The following TMTC2 variants were observed in gnomAD, a reference collection of about 807,000 sequenced individuals.
The protein encoded by TMTC2 is transmembrane O-mannosyltransferase targeting cadherins 2.
In TMTC2, 43 loss-of-function variants were observed where a neutral mutation model predicts 82.4. The observed-to-expected ratio is 0.52, with a 90% confidence interval of 0.41 to 0.67. TMTC2 has a LOEUF of 0.67. Ranked by LOEUF, TMTC2 falls within the 30% of genes least tolerant of loss-of-function variation. The pLI is 0.00. For synonymous variants in TMTC2, 408 were observed against 381.9 expected (o/e 1.07, Z -0.80); for missense variants, 919 against 1,012.4 (o/e 0.91, Z 1.25).
intron 1 of TMTC2, among the ~76,000 whole-genome samples, chr12:82,726,993 G>A (rs573617498): frequency 6.7e-6 from 1 of 148,212 alleles, no homozygotes; most frequent in South Asian, 2.1e-4. Context: ...CCTTAGAAAA[G>A]CCCCTTTTCT....
intron 11 of TMTC2, among the ~76,000 whole-genome samples, chr12:83,129,155 A>G (rs1592513336): frequency 6.6e-6 from 1 of 152,194 alleles, no homozygotes; most frequent in Non-Finnish European, 1.5e-5. Flanking sequence ...ATTTACACCA[A>G]AATGTTATAA....
At chr12:82,861,951 T>C (rs1402317711) in intron 2 of TMTC2, among the ~76,000 whole-genome samples, 3 of 152,342 alleles carry the variant, frequency 2.0e-5, no homozygotes, top group South Asian at 2.1e-4. Flanking sequence ...TTTTAAAATA[T>C]GTGGCTGAAA....
chr12:83,065,560 A>G (rs988285245), intron 11 of TMTC2, among the ~76,000 whole-genome samples: 2 of 151,956 alleles, frequency 1.3e-5, no homozygotes, highest in Admixed American at 1.3e-4. Context: ...ATTAAACCTT[A>G]TAATACATTA....
chr12:83,007,462 G>A (rs1478577024), intron 8 of TMTC2, among the ~76,000 whole-genome samples: 4 of 151,850 alleles, frequency 2.6e-5, no homozygotes, highest in East Asian at 3.9e-4. Flanking sequence ...TTTCATGGTG[G>A]TTGCCCTGGA....
At chr12:82,876,144 G>A (rs1047157472) in intron 2 of TMTC2, among the ~76,000 whole-genome samples, 5 of 146,318 alleles carry the variant, frequency 3.4e-5, no homozygotes, top group Admixed American at 3.4e-4. Flanking sequence ...TGGTGGTGGT[G>A]GTGGTGGTGG....
At chr12:82,815,251 C>T (rs1188173866) in intron 1 of TMTC2, among the ~76,000 whole-genome samples, 1 of 150,960 alleles carries the variant, frequency 6.6e-6, no homozygotes, top group Non-Finnish European at 1.5e-5. Flanking sequence ...ACTGCAAGCT[C>T]CGCCTCCCGA....
intron 7 of TMTC2, among the ~76,000 whole-genome samples, chr12:82,978,323 G>A (rs1333718419): frequency 2.6e-5 from 4 of 151,692 alleles, no homozygotes; most frequent in Non-Finnish European, 1.5e-5. Context: ...TGGAGATTAT[G>A]GAGTTATTTA....
At chr12:82,881,948 C>T (rs1475976335) in intron 2 of TMTC2, among the ~76,000 whole-genome samples, 2 of 151,646 alleles carry the variant, frequency 1.3e-5, no homozygotes, top group Non-Finnish European at 2.9e-5. Flanking sequence ...ATATTTTTCA[C>T]CTTTTCCCAC....
chr12:83,051,490 C>G (rs144199629), intron 10 of TMTC2, among the ~76,000 whole-genome samples: 44 of 152,124 alleles, frequency 2.9e-4, no homozygotes, highest in Middle Eastern at 3.4e-3. Flanking sequence ...TCCCTTCCCT[C>G]TAAAAACTAC....
At chr12:82,957,053 C>T (rs745860029) in intron 4 of TMTC2, among the ~76,000 whole-genome samples, 5 of 152,104 alleles carry the variant, frequency 3.3e-5, no homozygotes, top group African/African-American at 4.8e-5. Context: ...CTATAGAATA[C>T]GCTACCAATA....
chr12:83,033,553 C>T (rs1881528392), intron 9 of TMTC2, among the ~76,000 whole-genome samples: 2 of 152,060 alleles, frequency 1.3e-5, no homozygotes, highest in Admixed American at 1.3e-4. Flanking sequence ...GAGTTTGAGA[C>T]CAGCCTGACC....
chr12:82,725,646 G>A (rs1592876465), intron 1 of TMTC2, among the ~76,000 whole-genome samples: 1 of 152,256 alleles, frequency 6.6e-6, no homozygotes, highest in East Asian at 1.9e-4. Context: ...TGGTTGGGGT[G>A]CAGCTTGGTT....
At chr12:82,911,709 C>G (rs1319018525) in intron 3 of TMTC2, among the ~76,000 whole-genome samples, 2 of 152,084 alleles carry the variant, frequency 1.3e-5, no homozygotes, top group East Asian at 1.9e-4. Flanking sequence ...GCAAGTGATT[C>G]GTGTGCCTCA....
chr12:83,031,791 A>G (rs1373081217), intron 9 of TMTC2, among the ~76,000 whole-genome samples: 1 of 152,192 alleles, frequency 6.6e-6, no homozygotes, highest in Non-Finnish European at 1.5e-5. Context: ...AGAAGAATGG[A>G]AATAATAAAA....
At chr12:83,086,019 T>C (rs959402358) in intron 11 of TMTC2, among the ~76,000 whole-genome samples, 1 of 152,230 alleles carries the variant, frequency 6.6e-6, no homozygotes, top group African/African-American at 2.4e-5. Context: ...TAGGGAACTT[T>C]TAGCCTATTG....
chr12:82,968,941 T>G (rs979309197), intron 7 of TMTC2, among the ~76,000 whole-genome samples: 2 of 152,160 alleles, frequency 1.3e-5, no homozygotes, highest in Non-Finnish European at 2.9e-5. Flanking sequence ...TTTTCTACGA[T>G]TATGGTGGCT....
chr12:83,037,565 A>G (rs1211703820), intron 9 of TMTC2, among the ~76,000 whole-genome samples: 2 of 152,184 alleles, frequency 1.3e-5, no homozygotes, highest in African/African-American at 4.8e-5. Context: ...CATCAGCAAT[A>G]CACAGATATG....
At chr12:82,994,277 T>C (rs1879521558) in intron 8 of TMTC2, among the ~76,000 whole-genome samples, 1 of 152,140 alleles carries the variant, frequency 6.6e-6, no homozygotes, top group Admixed American at 6.5e-5. Flanking sequence ...CCTCAGCCTC[T>C]GAAGTAGCTG....
intron 9 of TMTC2, among the ~76,000 whole-genome samples, chr12:83,046,007 C>T (rs1882111086): frequency 6.6e-6 from 1 of 152,234 alleles, no homozygotes; most frequent in Admixed American, 6.5e-5. Context: ...CCTTTCAAGT[C>T]ACCCACTTAG....
Sources: allele counts gnomAD v4.1 joint callset (sites outside exome capture counted in the v4.1 genomes callset), GRCh38; gene constraint gnomAD v4.1.1; transcripts MANE v1.5; gene names NCBI Gene and HGNC (gene_info 2026-07-23, HGNC 2026-07-21).